FMO1: variants seen among roughly 807,000 people sequenced by gnomAD.
FMO1 encodes flavin-containing monooxygenase 1.
A neutral mutation model predicts 45.4 loss-of-function variants in FMO1; 36 were observed. That is an observed-to-expected ratio of 0.79 (90% CI 0.61 to 1.05). The LOEUF is 1.05. Ranked by LOEUF, FMO1 falls within the 50% of genes least tolerant of loss-of-function variation. FMO1 has a pLI of 0.00. For missense variants in FMO1, 615 were observed against 640.3 expected, an observed-to-expected ratio of 0.96 and a Z score of 0.43; for synonymous variants, 228 against 227.2, an observed-to-expected ratio of 1.00 and a Z score of -0.03.
intron 1 of FMO1, among the ~76,000 whole-genome samples, chr1:171,255,594 G>A (rs563498511): frequency 8.8e-4 from 134 of 152,266 alleles, no homozygotes; most frequent in African/African-American, 3.0e-3. Flanking sequence ...TCTACACTAG[G>A]AGCCCATTCC....
intron 2 of FMO1, among the ~76,000 whole-genome samples, chr1:171,263,327 G>A (rs957339746): frequency 3.9e-5 from 6 of 152,176 alleles, no homozygotes; most frequent in Non-Finnish European, 8.8e-5. Context: ...ATATAGATAT[G>A]GAAACTGAGA....
intron 3 of FMO1, among the ~76,000 whole-genome samples, chr1:171,270,109 A>G (rs1282281923): frequency 1.3e-5 from 2 of 152,210 alleles, no homozygotes; most frequent in African/African-American, 2.4e-5. Context: ...CTGCCATTAC[A>G]TGGTAATGGG....
chr1:171,284,723 C>T (rs1433895998), intron 8 of FMO1, among the ~76,000 whole-genome samples: 2 of 134,310 alleles, frequency 1.5e-5, no homozygotes, highest in African/African-American at 3.0e-5. Context: ...CAGAGCAAGA[C>T]CTTGTAAAAA....
Position 171,278,832 on chromosome 1 carries a change from CACAG to C in FMO1, c.592_595del (p.Asp198LeufsTer22), listed in dbSNP as rs752403491. ...TTGTGATTGGAATGGGAAATTCTGG[CACAG>C]ACATTGCTGTGGAGGCCAGCCACCT... On this transcript the variant is annotated frameshift_variant, in exon 5 of 9. Coordinates refer to ENST00000617670, the MANE Select transcript of FMO1 (RefSeq NM_001282693.2). LOFTEE classifies it high-confidence loss of function. 2 of 1,612,640 alleles carry C rather than the reference CACAG, an allele frequency of 1.2e-6. No individual in the cohort carries two copies. Among genetic ancestry groups the C allele is most frequent in the South Asian group, 2.2e-5 (2 of 90,904 alleles).
intron 1 of FMO1, among the ~76,000 whole-genome samples, chr1:171,250,414 C>T (rs146839686): frequency 1.3e-5 from 2 of 152,360 alleles, no homozygotes; most frequent in East Asian, 1.9e-4. Context: ...CATCAAGAAT[C>T]ACTGTGCTTC....
intron 2 of FMO1, among the ~76,000 whole-genome samples, chr1:171,264,851 A>G (rs1041311716): frequency 4.0e-5 from 6 of 151,858 alleles, no homozygotes; most frequent in African/African-American, 1.5e-4. Flanking sequence ...GTGAGCCAAG[A>G]TCGGGTGACT....
chr1:171,273,184 G>T (rs1007218502), intron 3 of FMO1, among the ~76,000 whole-genome samples: 4 of 152,128 alleles, frequency 2.6e-5, no homozygotes, highest in African/African-American at 4.8e-5. Flanking sequence ...ATCCATGTAA[G>T]ATATGACTTG....
chr1:171,254,545 G>A (rs1485903108), intron 1 of FMO1, among the ~76,000 whole-genome samples: 3 of 152,132 alleles, frequency 2.0e-5, no homozygotes, highest in Non-Finnish European at 2.9e-5. Context: ...CAAAGAAAAT[G>A]CCTACTTTGG....
At chr1:171,256,512 A>G (rs1660166887) in intron 1 of FMO1, among the ~76,000 whole-genome samples, 2 of 152,132 alleles carry the variant, frequency 1.3e-5, no homozygotes, top group Admixed American at 6.5e-5. Context: ...TTTTGATTTT[A>G]TAGTGTCCTT....
intron 3 of FMO1, 21 bp from the exon 4 acceptor site, chr1:171,275,325 T>C (rs1282579845): frequency 6.2e-7 from 1 of 1,609,966 alleles, no homozygotes. Context: ...CTGCTAATCA[T>C]ATCTGTGATT....
intron 3 of FMO1, among the ~76,000 whole-genome samples, chr1:171,268,874 G>A (rs1299805858): frequency 2.6e-5 from 4 of 152,196 alleles, no homozygotes; most frequent in South Asian, 2.1e-4. Context: ...CATGTTGTGG[G>A]AGGGACTCAG....
intron 8 of FMO1, among the ~76,000 whole-genome samples, chr1:171,283,732 G>A (rs908470078): frequency 1.3e-5 from 2 of 152,078 alleles, no homozygotes; most frequent in African/African-American, 4.8e-5. Flanking sequence ...TTTGTAGCAT[G>A]TGAAAAAATC....
At chr1:171,271,137 T>C (rs2101823154) in intron 3 of FMO1, 2 of 881,968 alleles carry the variant, frequency 2.3e-6, no homozygotes, top group Non-Finnish European at 3.8e-6. Flanking sequence ...ATTTTTCCTT[T>C]AGCTTTGCAG....
Position 171,285,646 on chromosome 1 carries a change from T to G in FMO1, c.*102T>G. Reference sequence around the variant, plus strand: ...TTCACAGTTATAAACTGTATTCAAATAGTAAAGGCCACCCTCTCGCTTCCC... The same window carrying G: ...TTCACAGTTATAAACTGTATTCAAAGAGTAAAGGCCACCCTCTCGCTTCCC... On this transcript the variant is annotated 3_prime_UTR_variant, in exon 9 of 9. Transcript: ENST00000617670. 3.1e-6 allele frequency: 2 copies of G among 646,626 alleles called. No homozygotes were observed. The highest frequency in any genetic ancestry group is 4.7e-6 in the Non-Finnish European group (2 of 421,830). The allele number at this position is 646,626 out of a possible 1,614,324, so 40.1% of individuals were successfully genotyped here. A position where few individuals can be genotyped will look rare whatever the true frequency, so the allele number is the denominator to read the frequency against.
chr1:171,253,472 A>G (rs1164311885), intron 1 of FMO1, among the ~76,000 whole-genome samples: 1 of 152,148 alleles, frequency 6.6e-6, no homozygotes, highest in African/African-American at 2.4e-5. Flanking sequence ...ATTCAAAACT[A>G]ACCTGGGCAA....
intron 1 of FMO1, among the ~76,000 whole-genome samples, chr1:171,250,037 TCTC>T (rs1659814563): frequency 6.6e-6 from 1 of 152,182 alleles, no homozygotes; most frequent in Non-Finnish European, 1.5e-5. Flanking sequence ...GACCATAGTT[TCTC>T]CTATTAAGTA....
chr1:171,267,426 A>C, intron 2 of FMO1, 117 bp from the exon 3 acceptor site: 1 of 625,202 alleles, frequency 1.6e-6, no homozygotes, highest in Non-Finnish European at 2.7e-6. Context: ...ATTCTCATGT[A>C]TTTCTATATT....
intron 5 of FMO1, 55 bp downstream of exon 5, chr1:171,278,926 G>A: frequency 1.4e-6 from 2 of 1,422,724 alleles, no homozygotes; most frequent in Non-Finnish European, 1.9e-6. Context: ...CATGCCTCAA[G>A]CAAATGGTGT....
intron 1 of FMO1, among the ~76,000 whole-genome samples, chr1:171,257,305 A>C (rs1660201706): frequency 6.6e-6 from 1 of 152,142 alleles, no homozygotes; most frequent in African/African-American, 2.4e-5. Flanking sequence ...GTGTGTTATT[A>C]ACACATGGCC....
Sources: gnomAD v4.1 joint callset for allele counts (sites outside exome capture counted in the v4.1 genomes callset) on GRCh38, gnomAD v4.1.1 for gene constraint, MANE v1.5 for transcripts, NCBI Gene and HGNC (gene_info 2026-07-23, HGNC 2026-07-21) for gene names.